The following SUN2 variants were observed in gnomAD, a reference collection of about 807,000 sequenced individuals.
SUN2 encodes Sad1 and UNC84 domain containing 2.
SUN2 carries 60 observed loss-of-function variants against 100.0 expected under a neutral mutation model. That is an observed-to-expected ratio of 0.60 (90% confidence interval 0.49 to 0.74). The LOEUF (loss-of-function observed/expected upper bound fraction) is 0.74, where lower values mean the gene tolerates loss of function less well. Ranked by LOEUF, SUN2 falls within the 30% of genes least tolerant of loss-of-function variation. The pLI is 0.00. For missense variants in SUN2, 834 were observed against 954.6 expected (o/e 0.87, Z 1.66); for synonymous variants, 367 against 403.3 (o/e 0.91, Z 1.08).
chr22:38,752,413 G>A, intron 2 of SUN2, 94 bp downstream of exon 2: 3 of 1,481,104 alleles, frequency 2.0e-6, no homozygotes, highest in Non-Finnish European at 9.1e-7. Context: ...GTTGCAACAA[G>A]AAGGCAGGGG....
chr22:38,738,530 G>C lies in SUN2; in HGVS notation c.1947+57C>G. On this transcript the variant is annotated intron_variant, in intron 16 of 17. Coordinates refer to ENST00000689035, the MANE Select transcript of SUN2 (RefSeq NM_015374.3). The surrounding 1 kb of genome is among the most constrained non-coding windows in gnomAD (Gnocchi z 6.6). ...TGACCCTGACTTGATCCTCAGTAGA[G>C]AGGCCCACAGGATCCCCCTGCAGCC... 2 of 1,580,878 alleles carry C rather than the reference G, an allele frequency of 1.3e-6. No homozygotes were observed. The highest frequency in any genetic ancestry group is 1.7e-6 in the Non-Finnish European group (2 of 1,158,296).
rs755720130 is a variant in SUN2 at position 38,752,577 on chromosome 22, C to A, written c.52G>T (p.Gly18Cys). The change falls in exon 2 of 18, where the codon GGC becomes TGC. Residue 18 changes from glycine (G) to cysteine (C), a missense_variant. By Grantham distance (159) the Gly-to-Cys change is radical (BLOSUM62 -3). Around this residue, in one of 3 missense-constraint regions of SUN2, gnomAD observed 559 missense variants for 597.7 expected, o/e 0.94. Coordinates refer to ENST00000689035, the MANE Select transcript of SUN2 (RefSeq NM_015374.3). ...LTRYSQGDDD[G>C]SSSSGGSSVA... ...GAGCTCCCTCCGCTGCTGCTGCTGC[C>A]GTCATCGTCACCCTGGGAGTAGCGC... 6.2e-7 allele frequency: 1 copy of A among 1,614,038 alleles called. No individual in the cohort carries two copies. Among genetic ancestry groups the A allele is most frequent in the Non-Finnish European group, 8.5e-7 (1 of 1,179,970 alleles).
chr22:38,752,638 G>A lies in SUN2; in HGVS notation c.-10C>T. ...GGCTTCTTCGGGACATGATGAGGTG[G>A]GATGTGGACTCTTCCCCTGAAGAGA... On this transcript the variant is annotated 5_prime_UTR_variant, in exon 2 of 18. Coordinates refer to ENST00000689035, the MANE Select transcript of SUN2 (RefSeq NM_015374.3). 6.2e-7 allele frequency: 1 copy of A among 1,613,212 alleles called. No individual in the cohort carries two copies. The highest frequency in any genetic ancestry group is 2.2e-5 in the East Asian group (1 of 44,868).
chr22:38,752,440 G>T (rs2092953135), intron 2 of SUN2, 67 bp downstream of exon 2: 4 of 1,539,956 alleles, frequency 2.6e-6, no homozygotes, highest in Admixed American at 3.7e-5. Flanking sequence ...TGGACCACAG[G>T]GCGTGCGGGC....
chr22:38,746,905 C>T (rs1316280644), intron 7 of SUN2, among the ~76,000 whole-genome samples: 1 of 151,680 alleles, frequency 6.6e-6, no homozygotes, highest in African/African-American at 2.4e-5. Flanking sequence ...GTGGTGGCGG[C>T]CGCCTGTAGT....
chr22:38,738,862 C>T lies in SUN2; in HGVS notation c.1779+11G>A. ...TCAGAGCCCCCGCTGCTGTGCTTGC[C>T]AGGTGCCCACCTGGAGGATGACTCG... is the stretch of plus-strand genomic sequence containing the variant. On this transcript the variant is annotated intron_variant, in intron 15 of 17. Transcript: ENST00000689035. This position sits in a 1 kb window ranked among gnomAD's most constrained non-coding sequence, Gnocchi z 6.6. The T allele has an allele frequency of 6.3e-7, 1 of 1,599,268 alleles. No individual in the cohort carries two copies. Among genetic ancestry groups the T allele is most frequent in the Non-Finnish European group, 8.5e-7 (1 of 1,170,268 alleles).
At chr22:38,749,123 C>A (rs2092925048) in intron 6 of SUN2, 1 of 257,266 alleles carries the variant, frequency 3.9e-6, no homozygotes, top group Admixed American at 4.7e-5. Context: ...CAACAAGGAA[C>A]CTGTTTTTGG....
In SUN2 at chr22:38,740,537, G is replaced by T; in HGVS notation, c.1191-105C>A. ...CTAGTGGGCTCCCGTCAGGAGAGCG[G>T]GTGCCCAGCACTCATTGTGAACCTG... On this transcript the variant is annotated intron_variant, in intron 11 of 17. Transcript: ENST00000689035. The surrounding 1 kb of genome is among the most constrained non-coding windows in gnomAD (Gnocchi z 4.8). The T allele has an allele frequency of 7.8e-7, 1 of 1,282,306 alleles. No individual in the cohort carries two copies. Among genetic ancestry groups the T allele is most frequent in the Non-Finnish European group, 1.0e-6 (1 of 965,444 alleles). The allele number at this position is 1,282,306 out of a possible 1,614,324, so 79.4% of individuals were successfully genotyped here.
chr22:38,755,060 A>G lies in SUN2; in HGVS notation c.-38+703T>C. On this transcript the variant is annotated intron_variant, in intron 1 of 17. Coordinates refer to ENST00000689035, the MANE Select transcript of SUN2 (RefSeq NM_015374.3). The surrounding 1 kb of genome is among the most constrained non-coding windows in gnomAD (Gnocchi z 5.7). The stretch of plus-strand genomic sequence containing the variant: ...AGTTAGGAAACGCTCATCGGAAAGC[A>G]TCCTTCCCCACTTCTCAGCTGGGCG... 1 of 1,047,662 alleles carries G rather than the reference A, an allele frequency of 9.5e-7. No individual in the cohort carries two copies. Among genetic ancestry groups the G allele is most frequent in the South Asian group, 1.5e-5 (1 of 66,546 alleles). The allele number at this position is 1,047,662 out of a possible 1,614,324, so 64.9% of individuals were successfully genotyped here. A position where few individuals can be genotyped will look rare whatever the true frequency, so the allele number is the denominator to read the frequency against.
intron 6 of SUN2, among the ~76,000 whole-genome samples, chr22:38,749,459 G>A (rs534502957): frequency 1.6e-4 from 24 of 152,326 alleles, no homozygotes; most frequent in African/African-American, 4.3e-4. Flanking sequence ...GAAAGCCATC[G>A]TGTGTCTGAG....
At position 38,738,018 on chromosome 22, in the gene SUN2, T is replaced by TA. The variant is rs1488569103; in HGVS notation, c.2040+154dup. 9 of 751,934 alleles carry TA rather than the reference T, an allele frequency of 1.2e-5. No homozygotes were observed. The Admixed American group carries it at 1.8e-4, about 15-fold the overall frequency. 46.6% of individuals were successfully genotyped at this position (751,934 alleles called of 1,614,324 possible). A position where few individuals can be genotyped will look rare whatever the true frequency, so the allele number is the denominator to read the frequency against. ...GTGCTGACGTCTGCAGGATGCGTGT[T>TA]ACACCCCATTTGGATATCACATCTT... On this transcript the variant is annotated intron_variant, in intron 17 of 17. Transcript: ENST00000689035. The surrounding 1 kb of genome is among the most constrained non-coding windows in gnomAD (Gnocchi z 6.6).
chr22:38,742,555 C>A lies in SUN2; in HGVS notation c.814G>T (p.Ala272Ser), dbSNP rs1364499108. ...EARDSSPHFQ[A>S]EQRVMSRVHS... The stretch of plus-strand genomic sequence containing the variant: ...ACCCGGGACATAACACGCTGCTCAG[C>A]CTGGAAGGGCAGAGAGAGAGCCACG... Residue 272 changes from alanine to serine, a missense_variant and splice_region_variant, in exon 9 of 18, where the codon GCT becomes TCT. Ala to Ser is a moderately conservative substitution (Grantham distance 99). Around this residue, in one of 3 missense-constraint regions of SUN2, gnomAD observed 559 missense variants for 597.7 expected, o/e 0.94. Coordinates refer to ENST00000689035, the MANE Select transcript of SUN2 (RefSeq NM_015374.3). 6.2e-7 allele frequency: 1 copy of A among 1,607,376 alleles called. No individual in the cohort carries two copies. Among genetic ancestry groups the A allele is most frequent in the Admixed American group, 1.7e-5 (1 of 59,900 alleles).
rs540549485 is a variant in SUN2, at chr22:38,735,575, G to A, written c.*692C>T. On this transcript the variant is annotated 3_prime_UTR_variant, in exon 18 of 18. Coordinates refer to ENST00000689035, the MANE Select transcript of SUN2 (RefSeq NM_015374.3). ...AAAGCAACTACCGTCCCCAGCAGAG[G>A]GGAAGCCTACAGGGTTGGCCCTGGG... 9.9e-4 allele frequency: 220 copies of A among 222,728 alleles called. No homozygotes were observed. Among genetic ancestry groups the A allele is most frequent in the African/African-American group, 4.6e-3 (197 of 43,106 alleles). The allele number at this position is 222,728 out of a possible 1,614,324, so 13.8% of individuals were successfully genotyped here.
chr22:38,736,197 G>T lies in SUN2; in HGVS notation c.*70C>A, dbSNP rs756800474. 1.1e-5 allele frequency: 16 copies of T among 1,423,860 alleles called. No individual in the cohort carries two copies. The highest frequency in any genetic ancestry group is 4.7e-5 in the South Asian group (4 of 85,808). The allele number at this position is 1,423,860 out of a possible 1,614,324, so 88.2% of individuals were successfully genotyped here. A position where few individuals can be genotyped will look rare whatever the true frequency, so the allele number is the denominator to read the frequency against. The stretch of plus-strand genomic sequence containing the variant: ...CTAGAAGTCAGAGCGCCGAGCAAGC[G>T]TGTGGGGGAAGCGGCGGGGTGCTGT... On this transcript the variant is annotated 3_prime_UTR_variant, in exon 18 of 18. Coordinates refer to ENST00000689035, the MANE Select transcript of SUN2 (RefSeq NM_015374.3).
At chr22:38,744,721 G>C (rs1391824614) in intron 8 of SUN2, among the ~76,000 whole-genome samples, 1 of 152,232 alleles carries the variant, frequency 6.6e-6, no homozygotes, top group Admixed American at 6.5e-5. Context: ...GCCTAGGCTA[G>C]TCTCGAACTC....
At position 38,742,527 on chromosome 22, in the gene SUN2, T is replaced by G; in HGVS notation, c.842A>C (p.His281Pro). 1 of 1,612,476 alleles carries G rather than the reference T, an allele frequency of 6.2e-7. No individual in the cohort carries two copies. Among genetic ancestry groups the G allele is most frequent in the Non-Finnish European group, 8.5e-7 (1 of 1,179,888 alleles). Residue 281 changes from histidine (H) to proline (P), a missense_variant, in exon 9 of 18, where the codon CAC (histidine) becomes CCC (proline). Physicochemically the swap from His to Pro is moderately conservative, Grantham distance 77. Around this residue, in one of 3 missense-constraint regions of SUN2, gnomAD observed 559 missense variants for 597.7 expected, o/e 0.94. Transcript: ENST00000689035. Reference protein sequence around the residue: ...QAEQRVMSRVHSLERRLEALA... With the variant: ...QAEQRVMSRVPSLERRLEALA... ...AGCTTCCAGACGCCGCTCCAGAGAGTGTACCCGGGACATAACACGCTGCTC... is the reference window on the plus strand; with the variant it reads ...AGCTTCCAGACGCCGCTCCAGAGAGGGTACCCGGGACATAACACGCTGCTC...
At chr22:38,743,676 G>C (rs1175822388) in intron 8 of SUN2, 1 of 150,246 alleles carries the variant, frequency 6.7e-6, no homozygotes, top group Non-Finnish European at 1.5e-5. Context: ...GCCTCTCCCA[G>C]ACCAGGAAGC....
At position 38,737,231 on chromosome 22, in the gene SUN2, C is replaced by T. The variant is rs1288733008; in HGVS notation, c.2041-851G>A. On this transcript the variant is annotated intron_variant, in intron 17 of 17. Coordinates refer to ENST00000689035, the MANE Select transcript of SUN2 (RefSeq NM_015374.3). The surrounding 1 kb of genome is among the most constrained non-coding windows in gnomAD (Gnocchi z 4.1). ...CTGATGACAACTCAGTTCTTTCTGGCTCCCCCGACAGCTCCACTGGACTGT... is the reference window on the plus strand; with the variant it reads ...CTGATGACAACTCAGTTCTTTCTGGTTCCCCCGACAGCTCCACTGGACTGT... 6.6e-6 allele frequency among the ~76,000 whole-genome samples: 1 copy of T among 152,120 alleles called. No homozygotes were observed. Among genetic ancestry groups the T allele is most frequent in the Non-Finnish European group, 1.5e-5 (1 of 68,014 alleles).
chr22:38,749,387 A>C (rs959557333), intron 6 of SUN2, among the ~76,000 whole-genome samples: 1 of 152,204 alleles, frequency 6.6e-6, no homozygotes, highest in African/African-American at 2.4e-5. Flanking sequence ...CCCAAGAAGG[A>C]AGATGGACTT....
Sources: gnomAD v4.1 joint callset for allele counts (sites outside exome capture counted in the v4.1 genomes callset) on GRCh38, gnomAD v4.1.1 for gene constraint, gnomAD v4.1.1 regional missense constraint, Gnocchi (gnomAD v3.1) non-coding constraint, MANE v1.5 for transcripts, NCBI Gene and HGNC (gene_info 2026-07-23, HGNC 2026-07-21) for gene names.